SPATA21: variants seen among roughly 807,000 people sequenced by gnomAD.
SPATA21 encodes spermatogenesis-associated protein 21.
Under a neutral mutation model 54.8 loss-of-function variants are expected in SPATA21, and 47 were observed. The observed-to-expected ratio is 0.86, with a 90% CI of 0.68 to 1.09. The LOEUF (loss-of-function observed/expected upper bound fraction) is 1.09. SPATA21 is among the 50% of genes least tolerant of loss of function. The pLI is 0.00. For synonymous variants in SPATA21, 245 were observed against 235.3 expected, an observed-to-expected ratio of 1.04 and a Z score of -0.38; for missense variants, 599 against 596.4, an observed-to-expected ratio of 1.00 and a Z score of -0.05.
downstream of SPATA21, chr1:16,396,340 G>C (rs2085311087): frequency 6.6e-6 from 1 of 152,226 alleles, no homozygotes; most frequent in Non-Finnish European, 1.5e-5. Flanking sequence ...CTTGAAGGCA[G>C]AACATTCTGA....
intron 1 of SPATA21, among the ~76,000 whole-genome samples, chr1:16,433,970 A>G (rs970648854): frequency 3.9e-5 from 6 of 152,056 alleles, no homozygotes; most frequent in African/African-American, 7.2e-5. Flanking sequence ...TATCACCCCA[A>G]AAAGAAACCC....
intron 8 of SPATA21, 151 bp from the exon 9 acceptor site, chr1:16,404,190 C>A: frequency 1.4e-6 from 1 of 700,742 alleles, no homozygotes. Flanking sequence ...CAGGAAAGTA[C>A]AAGCTGAAAG....
chr1:16,403,874 C>A, intron 9 of SPATA21, 30 bp from the exon 10 acceptor site: 1 of 1,609,820 alleles, frequency 6.2e-7, no homozygotes, highest in South Asian at 1.1e-5. Context: ...GCTGCCGTTA[C>A]CACTGGGCAG....
In SPATA21 at chr1:16,421,204, GT is replaced by G. The variant is rs1181262456; in HGVS notation, c.144+304del. 1.3e-5 allele frequency among the ~76,000 whole-genome samples: 2 copies of G among 152,062 alleles called. No homozygotes were observed. Among genetic ancestry groups the G allele is most frequent in the Admixed American group, 1.3e-4 (2 of 15,256 alleles). Reference sequence around the variant, plus strand: ...TGTGGCTGTGGCCGAGGGCAAATGGGTGGAAGAAATCCATGCTGATGTGGAA... The same window carrying G: ...TGTGGCTGTGGCCGAGGGCAAATGGGGGAAGAAATCCATGCTGATGTGGAA... On this transcript the variant is annotated intron_variant, in intron 5 of 12. Transcript: ENST00000335496. The surrounding 1 kb of genome is among the most constrained non-coding windows in gnomAD (Gnocchi z 5.2).
chr1:16,417,720 T>C (rs2086053802), intron 5 of SPATA21, among the ~76,000 whole-genome samples: 3 of 148,306 alleles, frequency 2.0e-5, no homozygotes, highest in African/African-American at 7.5e-5. Flanking sequence ...CAGGCATGAG[T>C]CACCGTGCCC....
At chr1:16,397,527 G>C (rs1397622991), downstream of SPATA21, 1 of 152,174 alleles carries the variant, frequency 6.6e-6, no homozygotes, top group African/African-American at 2.4e-5. This position sits in a 1 kb window ranked among gnomAD's most constrained non-coding sequence, Gnocchi z 5.4. Context: ...CCAGGGGGAT[G>C]GGGGGCAGAA....
chr1:16,398,346 G>A (rs1369958260), downstream of SPATA21, among the ~76,000 whole-genome samples: 1 of 152,082 alleles, frequency 6.6e-6, no homozygotes, highest in East Asian at 1.9e-4. Context: ...CTGGGGCTCT[G>A]TCGGGGGAGC....
Position 16,409,519 on chromosome 1 carries a change from A to T in SPATA21, c.587+82T>A. On this transcript the variant is annotated intron_variant, in intron 6 of 12. Coordinates refer to ENST00000335496, the MANE Select transcript of SPATA21 (RefSeq NM_198546.1). The surrounding 1 kb of genome is among the most constrained non-coding windows in gnomAD (Gnocchi z 4.1). ...GACACACGAGGGAACAGGCAGGTGCAGGGACAGGGACCTGCATCCGGGACA... is the reference window on the plus strand; with the variant it reads ...GACACACGAGGGAACAGGCAGGTGCTGGGACAGGGACCTGCATCCGGGACA... The T allele has an allele frequency of 7.0e-7, 1 of 1,422,780 alleles. No individual in the cohort carries two copies. Among genetic ancestry groups the T allele is most frequent in the Non-Finnish European group, 9.5e-7 (1 of 1,050,356 alleles). The allele number at this position is 1,422,780 out of a possible 1,614,324, so 88.1% of individuals were successfully genotyped here. A position where few individuals can be genotyped will look rare whatever the true frequency, so the allele number is the denominator to read the frequency against.
At chr1:16,435,616 C>G (rs530266492) in intron 1 of SPATA21, among the ~76,000 whole-genome samples, 4 of 150,342 alleles carry the variant, frequency 2.7e-5, no homozygotes, top group African/African-American at 9.7e-5. Context: ...CATGCCCGGC[C>G]CCCCCCTTTT....
chr1:16,416,935 G>A (rs1241931043), intron 5 of SPATA21, among the ~76,000 whole-genome samples: 2 of 152,200 alleles, frequency 1.3e-5, no homozygotes, highest in African/African-American at 4.8e-5. Flanking sequence ...TTGGGGCCCA[G>A]GCTCACAGTG....
chr1:16,418,678 C>T (rs1307451787), intron 5 of SPATA21, among the ~76,000 whole-genome samples: 2 of 151,968 alleles, frequency 1.3e-5, no homozygotes, highest in Non-Finnish European at 2.9e-5. Flanking sequence ...AGTGACTCTC[C>T]TGCCTCAGCC....
chr1:16,426,579 A>ATATATATATATATTTT (rs1401259793), intron 3 of SPATA21, among the ~76,000 whole-genome samples: 14 of 107,150 alleles, frequency 1.3e-4, no homozygotes, highest in African/African-American at 5.0e-4. Context: ...ATATATATAT[A>ATATATATATATATTTT]TTTTTTTTTT....
rs766536038 is a variant in SPATA21 at position 16,400,698 on chromosome 1, C to G, written c.1174+22G>C. 4 of 1,598,402 alleles carry G rather than the reference C, an allele frequency of 2.5e-6. No homozygotes were observed. The Admixed American group carries it at 6.9e-5, about 27-fold the overall frequency. On this transcript the variant is annotated intron_variant, in intron 11 of 12. Transcript: ENST00000335496. ...AGCAAAGCCCCAACCCTAGCCCATC[C>G]CACCCTGCCCAGGGCCCTCACCATA... is the stretch of plus-strand genomic sequence containing the variant.
chr1:16,398,816 G>A lies in SPATA21; in HGVS notation c.1359C>T (p.His453=), dbSNP rs2085356119. Residue 453 remains histidine (H), a synonymous_variant, in exon 13 of 13, where the codon CAC becomes CAT. Coordinates refer to ENST00000335496, the MANE Select transcript of SPATA21 (RefSeq NM_198546.1). ...FQSGSQGNRE[H]NSDSRKWLSS... is the part of the protein sequence containing the mutation. The stretch of plus-strand genomic sequence containing the variant: ...TGAGCCACTTTCTGCTGTCAGAGTT[G>A]TGTTCCCTGGGGAGAGGAGTAGGGC... 6.2e-7 allele frequency: 1 copy of A among 1,612,868 alleles called. No individual in the cohort carries two copies. Among genetic ancestry groups the A allele is most frequent in the Non-Finnish European group, 8.5e-7 (1 of 1,179,646 alleles).
intron 3 of SPATA21, among the ~76,000 whole-genome samples, chr1:16,426,640 G>A (rs1373596190): frequency 1.4e-5 from 2 of 144,724 alleles, no homozygotes; most frequent in Admixed American, 7.0e-5. Context: ...GAGTGCAGTG[G>A]AGTGATCTTG....
chr1:16,437,644 C>T (rs114799352), upstream of SPATA21, among the ~76,000 whole-genome samples: 419 of 152,282 alleles, frequency 2.8e-3, 3 homozygotes, highest in African/African-American at 9.6e-3. Context: ...CTCCAGTCTG[C>T]GAGCTCCAGG....
At chr1:16,420,237 A>G (rs1383808040) in intron 5 of SPATA21, among the ~76,000 whole-genome samples, 3 of 152,066 alleles carry the variant, frequency 2.0e-5, no homozygotes, top group Non-Finnish European at 4.4e-5. Flanking sequence ...CTTCCATTTG[A>G]TAAGCCAGAT....
Position 16,409,189 on chromosome 1 carries a change from T to G in SPATA21, c.602A>C (p.Glu201Ala). 6.2e-7 allele frequency: 1 copy of G among 1,614,082 alleles called. No individual in the cohort carries two copies. The highest frequency in any genetic ancestry group is 8.5e-7 in the Non-Finnish European group (1 of 1,180,012). The change falls in exon 7 of 13, where the codon GAG becomes GCG. Residue 201 changes from glutamate (E) to alanine (A), a missense_variant. Transcript: ENST00000335496. This position sits in a 1 kb window ranked among gnomAD's most constrained non-coding sequence, Gnocchi z 4.1. ...SYAKARQEPE[E>A]QSLQKLYQNR... ...TTGATAAAGCTTTTGGAGGCTCTGC[T>G]CTTCCGGCTCCTGCCTGCAGAGGAC...
chr1:16,436,807 A>T (rs2086597915), intron 1 of SPATA21, among the ~76,000 whole-genome samples: 1 of 151,982 alleles, frequency 6.6e-6, no homozygotes, highest in Non-Finnish European at 1.5e-5. Flanking sequence ...ACACCAAAAA[A>T]CAAAAACCTT....
Sources: gnomAD v4.1 joint callset for allele counts (sites outside exome capture counted in the v4.1 genomes callset) on GRCh38, gnomAD v4.1.1 for gene constraint, Gnocchi (gnomAD v3.1) non-coding constraint, MANE v1.5 for transcripts, NCBI Gene and HGNC (gene_info 2026-07-23, HGNC 2026-07-21) for gene names.